Variants in KIF7 observed in about 807,000 individuals in gnomAD.
The protein encoded by KIF7 is kinesin-like protein KIF7.
KIF7 carries 104 observed loss-of-function variants against 135.7 expected under a neutral mutation model. The observed-to-expected ratio is 0.77, with a 90% confidence interval of 0.65 to 0.90. The LOEUF is 0.90. Among genes scored for constraint, KIF7 ranks in the 40% least tolerant of loss-of-function variants. KIF7 has a pLI of 0.00. For synonymous variants in KIF7, 883 were observed against 809.4 expected, an observed-to-expected ratio of 1.09 and a Z score of -1.54; for missense variants, 2,005 against 1,839.1, an observed-to-expected ratio of 1.09 and a Z score of -1.65.
rs1320519841 is a variant in KIF7, at chr15:89,645,254, G to T, written c.2038+82C>A. ...GAGCAGGGGCTGCCAGGGATGGTGG[G>T]TGGGACTGTCCCAAGGTGGCTGGCC... On this transcript the variant is annotated intron_variant, in intron 9 of 18. Transcript: ENST00000394412. The T allele has an allele frequency of 5.6e-6, 9 of 1,597,384 alleles. No homozygotes were observed. In the Admixed American group the frequency reaches 1.2e-4, roughly 21 times the overall value.
At chr15:89,634,802 G>A (rs1287033477) in intron 11 of KIF7, among the ~76,000 whole-genome samples, 3 of 152,362 alleles carry the variant, frequency 2.0e-5, no homozygotes, top group Admixed American at 6.5e-5. Context: ...CAGCTGGGAA[G>A]CTCGATCTGG....
At chr15:89,639,960 CCAT>C (rs1298503247) in intron 11 of KIF7, among the ~76,000 whole-genome samples, 4 of 152,084 alleles carry the variant, frequency 2.6e-5, no homozygotes, top group African/African-American at 9.7e-5. Context: ...TACTGTGCAG[CCAT>C]AAAAAATGAT....
chr15:89,640,116 G>C (rs1423132049), intron 11 of KIF7, among the ~76,000 whole-genome samples: 3 of 151,618 alleles, frequency 2.0e-5, no homozygotes, highest in Non-Finnish European at 4.4e-5. Context: ...CACAGGAAGG[G>C]GAACATCACA....
downstream of KIF7, chr15:89,625,468 G>A: frequency 6.2e-7 from 1 of 1,613,890 alleles, no homozygotes; most frequent in Non-Finnish European, 8.5e-7. Context: ...TGAGTCAGAG[G>A]GCAAGGACCA....
downstream of KIF7, among the ~76,000 whole-genome samples, chr15:89,623,466 T>G (rs1289651177): frequency 6.6e-6 from 1 of 152,234 alleles, no homozygotes; most frequent in Non-Finnish European, 1.5e-5. Context: ...TGAGTCATGT[T>G]TTGGAGAGGG....
At chr15:89,659,322 CAA>C (rs1964235308), upstream of KIF7, among the ~76,000 whole-genome samples, 1 of 151,590 alleles carries the variant, frequency 6.6e-6, no homozygotes, top group African/African-American at 2.4e-5. Flanking sequence ...CGCTTGAGCC[CAA>C]GAGTTCAAGG....
chr15:89,661,599 C>T, the KIF7 span, among the ~76,000 whole-genome samples: 3 of 152,116 alleles, frequency 2.0e-5, no homozygotes, highest in East Asian at 1.9e-4. Flanking sequence ...CCCCTCTCTG[C>T]GCACAGAGGA....
downstream of KIF7, chr15:89,624,361 G>A: frequency 6.2e-7 from 1 of 1,614,104 alleles, no homozygotes; most frequent in East Asian, 2.2e-5. Context: ...CAGCGTAGCT[G>A]CATCTCTCTC....
rs911104750 is a variant in KIF7, at chr15:89,631,695, T to C, written c.2911A>G (p.Ile971Val). 3.2e-6 allele frequency: 5 copies of C among 1,553,912 alleles called. No individual in the cohort carries two copies. In the African/African-American group the frequency reaches 4.1e-5, roughly 13 times the overall value. Reference sequence around the variant, plus strand: ...TCCAGCCGGCTGGACACTCGCACGATGTCCTCGTTGAGGGCCTGGGGGCAG... The same window carrying C: ...TCCAGCCGGCTGGACACTCGCACGACGTCCTCGTTGAGGGCCTGGGGGCAG... ...LRSSQALNED[I>V]VRVSSRLEHL... The change falls in exon 15 of 19, where the codon ATC becomes GTC. Residue 971 changes from isoleucine (I) to valine (V), a missense_variant. Physicochemically the swap from Ile to Val is conservative, Grantham distance 29. Transcript: ENST00000394412.
At chr15:89,618,573 A>G (rs142651002) in intron 1 of KIF7, among the ~76,000 whole-genome samples, 15 of 152,192 alleles carry the variant, frequency 9.9e-5, no homozygotes, top group Non-Finnish European at 1.9e-4. Context: ...TTTCTGAGAC[A>G]TTATCTTTGC....
chr15:89,626,103 CTG>C (rs764336478), downstream of KIF7: 2 of 1,599,914 alleles, frequency 1.3e-6, no homozygotes, highest in South Asian at 2.3e-5. Context: ...CTGTGACAGA[CTG>C]TCTGAATTCA....
Position 89,632,847 on chromosome 15 carries a change from C to T in KIF7, c.2868G>A (p.Leu956=). The change falls in exon 14 of 19, where the codon CTG becomes CTA. Residue 956 remains leucine (L), a synonymous_variant. Transcript: ENST00000394412. ...GGCTGGATCTCAGGCGCTTGCTCTC[C>T]AGCCCCGTCTTCTCCTGCATCAGGG... ...KEALMQEKTG[L]ESKRLRSSQA... is the part of the protein sequence containing the mutation. 1.9e-6 allele frequency: 3 copies of T among 1,608,414 alleles called. No homozygotes were observed. The highest frequency in any genetic ancestry group is 1.7e-6 in the Non-Finnish European group (2 of 1,179,762).
Position 89,629,360 on chromosome 15 carries a change from G to A in KIF7, c.3517+15C>T. The A allele has an allele frequency of 6.3e-7, 1 of 1,577,914 alleles. No homozygotes were observed. ...GAGGGGGCCGGGGTTGTGAGCCATG[G>A]GCCGGGCTGCTCACCTCGACTCTGC... On this transcript the variant is annotated intron_variant, in intron 17 of 18. Transcript: ENST00000394412.
chr15:89,640,281 TTAAAGTATAATAA>T (rs1963894095), intron 11 of KIF7, among the ~76,000 whole-genome samples: 1 of 144,436 alleles, frequency 6.9e-6, no homozygotes, highest in Non-Finnish European at 1.5e-5. Context: ...ACCCTAAAAC[TTAAAGTATAATAA>T]TAATAAATTA....
At chr15:89,632,276 C>T (rs937454530) in intron 14 of KIF7, among the ~76,000 whole-genome samples, 1 of 152,196 alleles carries the variant, frequency 6.6e-6, no homozygotes, top group Non-Finnish European at 1.5e-5. Context: ...CCCCTCCAGC[C>T]ATCATGGTAA....
chr15:89,649,119 G>A lies in KIF7; in HGVS notation c.778C>T (p.Leu260Phe), dbSNP rs1420636784. 5 of 1,547,680 alleles carry A rather than the reference G, an allele frequency of 3.2e-6. No individual in the cohort carries two copies. The highest frequency in any genetic ancestry group is 4.4e-6 in the Non-Finnish European group (5 of 1,146,770). ...CGCTCGCCGGTGCTGCCCGTCTTGA[G>A]CACCCTCTCTGAGCCCGCCAGGTCC... Reference protein sequence around the residue: ...FVDLAGSERVLKTGSTGERLK... With the variant: ...FVDLAGSERVFKTGSTGERLK... The change falls in exon 4 of 19, where the codon CTC (leucine) becomes TTC (phenylalanine). Residue 260 changes from leucine (L) to phenylalanine (F), a missense_variant. Physicochemically the swap from Leu to Phe is conservative, Grantham distance 22. Coordinates refer to ENST00000394412, the MANE Select transcript of KIF7 (RefSeq NM_198525.3).
downstream of KIF7, chr15:89,624,780 G>A: frequency 6.2e-7 from 1 of 1,614,190 alleles, no homozygotes; most frequent in Non-Finnish European, 8.5e-7. Context: ...AGGGTGAGGG[G>A]CTAAGGACAG....
chr15:89,623,090 G>A (rs1276845269), downstream of KIF7, among the ~76,000 whole-genome samples: 1 of 152,196 alleles, frequency 6.6e-6, no homozygotes, highest in Non-Finnish European at 1.5e-5. Context: ...TTGCAAGAAG[G>A]CAGGGAAATT....
chr15:89,634,893 G>C (rs955055786), intron 11 of KIF7, among the ~76,000 whole-genome samples: 2 of 152,218 alleles, frequency 1.3e-5, no homozygotes, highest in Non-Finnish European at 2.9e-5. Context: ...CAAACAAAAA[G>C]ACAGCAGTAA....
Sources: allele counts gnomAD v4.1 joint callset (sites outside exome capture counted in the v4.1 genomes callset), GRCh38; gene constraint gnomAD v4.1.1; transcripts MANE v1.5; gene names NCBI Gene and HGNC (gene_info 2026-07-23, HGNC 2026-07-21).